Variants in MED19 observed in about 807,000 individuals in gnomAD.
MED19 encodes mediator of RNA polymerase II transcription subunit 19.
Under a neutral mutation model 19.9 loss-of-function variants are expected in MED19, and 4 were observed. The ratio of observed to expected loss-of-function variants is 0.20; its 90% CI spans 0.10 to 0.46. The LOEUF (loss-of-function observed/expected upper bound fraction) is 0.46, where lower values mean the gene tolerates loss of function less well. Among genes scored for constraint, MED19 ranks in the 20% least tolerant of loss-of-function variants. The pLI, the probability that MED19 is intolerant of heterozygous loss-of-function variation, is 0.99. For synonymous variants in MED19, 139 were observed against 119.6 expected (o/e 1.16, Z -1.06); for missense variants, 303 against 318.7 (o/e 0.95, Z 0.38).
exon 5 of MED19, chr11:57,703,846 TG>T: frequency 1.3e-6 from 1 of 778,770 alleles, no homozygotes; most frequent in Non-Finnish European, 1.8e-6. Flanking sequence ...GAAAACCAAC[TG>T]GGATGAGCCT....
intron 1 of MED19, among the ~76,000 whole-genome samples, chr11:57,706,068 G>C (rs1946505000): frequency 6.6e-6 from 1 of 151,518 alleles, no homozygotes; most frequent in African/African-American, 2.4e-5. Flanking sequence ...TTTTTTTCTA[G>C]CTACCACTGC....
chr11:57,705,002 G>C (rs780379572), exon 2 of MED19: 1 of 1,613,928 alleles, frequency 6.2e-7, no homozygotes, highest in South Asian at 1.1e-5. Context: ...AAGCCGGCCA[G>C]CATGGTCCCT....
intron 1 of MED19, among the ~76,000 whole-genome samples, chr11:57,708,543 C>G (rs1470007934): frequency 6.6e-6 from 1 of 152,206 alleles, no homozygotes; most frequent in Non-Finnish European, 1.5e-5. Context: ...TTCTGGATAG[C>G]AACACACTTT....
At chr11:57,708,717 AT>A (rs1946533258) in intron 1 of MED19, among the ~76,000 whole-genome samples, 1 of 152,188 alleles carries the variant, frequency 6.6e-6, no homozygotes, top group South Asian at 2.1e-4. Flanking sequence ...AATGACCAGC[AT>A]TACTAATCTC....
exon 5 of MED19, chr11:57,704,063 G>A: frequency 6.5e-7 from 1 of 1,536,164 alleles, no homozygotes; most frequent in Non-Finnish European, 8.7e-7. Context: ...GCTGCTGCTG[G>A]CCTGGGAGCT....
chr11:57,708,618 G>T (rs1429330911), intron 1 of MED19, among the ~76,000 whole-genome samples: 1 of 152,146 alleles, frequency 6.6e-6, no homozygotes, highest in African/African-American at 2.4e-5. Context: ...TGTGAGGCAT[G>T]AGCACAAAAT....
intron 4 of MED19, 62 bp downstream of exon 4, chr11:57,704,240 T>C: frequency 6.5e-7 from 1 of 1,528,482 alleles, no homozygotes; most frequent in South Asian, 1.2e-5. Context: ...CTCTAGGGTA[T>C]TTAGGACAGG....
chr11:57,711,937 T>C (rs1189934408), intron 1 of MED19, 26 bp downstream of exon 1: 1 of 1,402,762 alleles, frequency 7.1e-7, no homozygotes, highest in Admixed American at 3.2e-5. Flanking sequence ...TTTGATTGGC[T>C]GGCTTTGGCA....
Position 57,704,708 on chromosome 11 carries a change from C to G in MED19, c.571+11G>C. 1 of 763,798 alleles carries G rather than the reference C, an allele frequency of 1.3e-6. No individual in the cohort carries two copies. The highest frequency in any genetic ancestry group is 2.0e-6 in the Non-Finnish European group (1 of 503,756). The allele number at this position is 763,798 out of a possible 1,614,324, so 47.3% of individuals were successfully genotyped here. A position where few individuals can be genotyped will look rare whatever the true frequency, so the allele number is the denominator to read the frequency against. ...TTTTTTTTTTTTGCTTTGAATAGAA[C>G]TGCTTCTTACCTGGGGGGACAGGAT... On this transcript the variant is annotated intron_variant, in intron 3 of 4. Transcript: ENST00000431606.
chr11:57,704,945 T>C, intron 2 of MED19, 28 bp downstream of exon 2: 4 of 1,607,562 alleles, frequency 2.5e-6, no homozygotes, highest in Non-Finnish European at 3.4e-6. Context: ...GGCCTCCCCA[T>C]TTGCCTTCTT....
exon 5 of MED19, chr11:57,703,910 C>G: frequency 1.4e-6 from 2 of 1,400,228 alleles, no homozygotes; most frequent in South Asian, 3.0e-5. Flanking sequence ...CTGAGCCCAA[C>G]AGGAGCTGGC....
intron 3 of MED19, 80 bp downstream of exon 3, chr11:57,704,639 T>C (rs763157998): frequency 1.2e-6 from 2 of 1,602,028 alleles, no homozygotes; most frequent in East Asian, 2.2e-5. Context: ...GGTTTACCTA[T>C]GGAAGTTCAA....
rs1194982921 is a variant in MED19 at position 57,707,407 on chromosome 11, C to T, written c.218-2178G>A. Among the ~76,000 whole-genome samples the T allele has an allele frequency of 3.3e-5, 5 of 152,136 alleles. No homozygotes were observed. The South Asian group carries it at 6.2e-4, about 19-fold the overall frequency. ...AAAATGGCTTGTTTATAATCATTCA[C>T]TTGGGAAAACTGAGGTACTGAACTG... On this transcript the variant is annotated intron_variant, in intron 1 of 4. Transcript: ENST00000431606.
chr11:57,704,582 T>TC (rs1946484408), intron 3 of MED19, 137 bp downstream of exon 3: 6 of 1,605,012 alleles, frequency 3.7e-6, no homozygotes, highest in Non-Finnish European at 5.1e-6. Context: ...ATTGGTTTCT[T>TC]CTTCAGGGGA....
exon 2 of MED19, chr11:57,705,187 T>C: frequency 6.2e-7 from 1 of 1,614,204 alleles, no homozygotes; most frequent in South Asian, 1.1e-5. Context: ...TTCCAAGTTG[T>C]AGTGTGTGAT....
chr11:57,709,362 CAA>C (rs1162245118), intron 1 of MED19, among the ~76,000 whole-genome samples: 1 of 147,488 alleles, frequency 6.8e-6, no homozygotes, highest in African/African-American at 2.5e-5. Context: ...GCCTGGGCAA[CAA>C]GAGCAAAACT....
At chr11:57,706,637 T>G (rs1395378428) in intron 1 of MED19, among the ~76,000 whole-genome samples, 4 of 150,880 alleles carry the variant, frequency 2.7e-5, no homozygotes, top group Non-Finnish European at 5.9e-5. Context: ...TGGACAGTAG[T>G]GGCACACACC....
intron 1 of MED19, among the ~76,000 whole-genome samples, chr11:57,707,904 C>T (rs1263076940): frequency 6.6e-6 from 1 of 152,200 alleles, no homozygotes; most frequent in Non-Finnish European, 1.5e-5. Context: ...ACAATCTTAG[C>T]TCACTGCAAT....
intron 1 of MED19, among the ~76,000 whole-genome samples, chr11:57,707,354 A>G (rs1386027986): frequency 6.6e-6 from 1 of 152,216 alleles, no homozygotes; most frequent in African/African-American, 2.4e-5. Flanking sequence ...ATTTGTAATT[A>G]TGATAGACAC....
Sources: gnomAD v4.1 joint callset for allele counts (sites outside exome capture counted in the v4.1 genomes callset) on GRCh38, gnomAD v4.1.1 for gene constraint, MANE v1.5 for transcripts, NCBI Gene and HGNC (gene_info 2026-07-23, HGNC 2026-07-21) for gene names.